PDE1A: variants seen among roughly 807,000 people sequenced by gnomAD.
The protein encoded by PDE1A is phosphodiesterase 1A, also known as dual specificity calcium/calmodulin-dependent 3',5'-cyclic nucleotide phosphodiesterase 1A.
PDE1A carries 35 observed loss-of-function variants against 61.7 expected under a neutral mutation model. That is an observed-to-expected ratio of 0.57 (90% confidence interval 0.43 to 0.75). The LOEUF is 0.75. PDE1A is among the 30% of genes least tolerant of loss of function. The pLI is 0.00. For synonymous variants in PDE1A, 232 were observed against 213.2 expected, an observed-to-expected ratio of 1.09 and a Z score of -0.77; for missense variants, 597 against 630.6, an observed-to-expected ratio of 0.95 and a Z score of 0.57.
At chr2:182,416,944 G>A (rs563656462) in intron 1 of PDE1A, among the ~76,000 whole-genome samples, 4 of 152,166 alleles carry the variant, frequency 2.6e-5, no homozygotes, top group African/African-American at 7.2e-5. Context: ...GGTGACCTAC[G>A]ACCAAACAGT....
At chr2:182,287,562 T>C (rs982055809) in intron 1 of PDE1A, among the ~76,000 whole-genome samples, 2 of 152,156 alleles carry the variant, frequency 1.3e-5, no homozygotes, top group African/African-American at 4.8e-5. Flanking sequence ...GACTCACTAA[T>C]AAAGTTTGCT....
At chr2:182,179,960 C>A (rs962209677) in intron 13 of PDE1A, among the ~76,000 whole-genome samples, 7 of 152,142 alleles carry the variant, frequency 4.6e-5, no homozygotes, top group Non-Finnish European at 1.0e-4. Flanking sequence ...TGATGATGAG[C>A]AAACATCTGG....
the PDE1A span, among the ~76,000 whole-genome samples, chr2:182,690,923 T>C: frequency 6.6e-6 from 1 of 152,136 alleles, no homozygotes; most frequent in Admixed American, 6.6e-5. Context: ...TGAACTCCCA[T>C]TCACAATTGC....
intron 10 of PDE1A, among the ~76,000 whole-genome samples, chr2:182,195,762 A>C (rs1574647765): frequency 6.6e-6 from 1 of 152,112 alleles, no homozygotes; most frequent in Non-Finnish European, 1.5e-5. Flanking sequence ...ACCTTGGCTA[A>C]ATGCAGAGCA....
At chr2:182,527,303 TAAAAAAAAAA>T (rs869281717), upstream of PDE1A, among the ~76,000 whole-genome samples, 207 of 22,818 alleles carry the variant, frequency 9.1e-3, 2 homozygotes, top group African/African-American at 0.019. Context: ...CCTTTCTCTA[TAAAAAAAAAA>T]AAAAAAAAAA....
the PDE1A span, among the ~76,000 whole-genome samples, chr2:182,653,385 T>C: frequency 6.6e-6 from 1 of 152,158 alleles, no homozygotes; most frequent in African/African-American, 2.4e-5. Context: ...ACTAAATCAC[T>C]CCATAATTTT....
chr2:182,633,733 C>A, the PDE1A span, among the ~76,000 whole-genome samples: 1 of 149,908 alleles, frequency 6.7e-6, no homozygotes, highest in Non-Finnish European at 1.5e-5. Context: ...ACATTACATT[C>A]TTCCAAAAAC....
At chr2:182,421,518 C>T (rs1300452551) in intron 1 of PDE1A, among the ~76,000 whole-genome samples, 1 of 152,142 alleles carries the variant, frequency 6.6e-6, no homozygotes, top group Non-Finnish European at 1.5e-5. Context: ...TCAACACTTG[C>T]TACTGCTGCT....
At chr2:182,516,139 C>G (rs540487934) in intron 2 of PDE1A, among the ~76,000 whole-genome samples, 1 of 152,112 alleles carries the variant, frequency 6.6e-6, no homozygotes, top group Non-Finnish European at 1.5e-5. Context: ...AGTTCTGTAG[C>G]TCAGAAATCT....
chr2:182,513,500 T>G (rs1689942582), intron 2 of PDE1A, among the ~76,000 whole-genome samples: 1 of 152,188 alleles, frequency 6.6e-6, no homozygotes, highest in Admixed American at 6.5e-5. Context: ...AAAGTACACT[T>G]AAGTACATAG....
At chr2:182,692,676 T>A in the PDE1A span, among the ~76,000 whole-genome samples, 16 of 147,824 alleles carry the variant, frequency 1.1e-4, no homozygotes, top group African/African-American at 3.4e-4. Flanking sequence ...AATAAAAATA[T>A]ATATATATAT....
intron 11 of PDE1A, among the ~76,000 whole-genome samples, chr2:182,186,795 GC>G (rs1685244865): frequency 6.6e-6 from 1 of 152,124 alleles, no homozygotes; most frequent in South Asian, 2.1e-4. Context: ...AATACTTGAA[GC>G]CATGGAAGTG....
chr2:182,654,473 T>C, the PDE1A span, among the ~76,000 whole-genome samples: 8 of 152,200 alleles, frequency 5.3e-5, 1 homozygote, highest in Admixed American at 5.2e-4. Context: ...CAGGACTCCA[T>C]TTAGCATCTG....
chr2:182,182,223 T>C (rs1684823496), intron 13 of PDE1A, among the ~76,000 whole-genome samples: 1 of 152,216 alleles, frequency 6.6e-6, no homozygotes, highest in Admixed American at 6.5e-5. Flanking sequence ...ATACAAATAA[T>C]GTGTAAGAAA....
chr2:182,447,262 A>AT (rs1363687012), intron 2 of PDE1A, among the ~76,000 whole-genome samples: 1 of 151,752 alleles, frequency 6.6e-6, no homozygotes, highest in Non-Finnish European at 1.5e-5. Context: ...CTAATATCTC[A>AT]TGTCATCTAT....
intron 1 of PDE1A, among the ~76,000 whole-genome samples, chr2:182,374,130 ATTTC>A (rs1700266932): frequency 6.6e-6 from 1 of 152,166 alleles, no homozygotes; most frequent in African/African-American, 2.4e-5. Context: ...ATTAGTCAAA[ATTTC>A]TTTATAACAT....
At chr2:182,583,049 GA>G in the PDE1A span, among the ~76,000 whole-genome samples, 1 of 152,082 alleles carries the variant, frequency 6.6e-6, no homozygotes, top group South Asian at 2.1e-4. Flanking sequence ...GATTAGAACA[GA>G]AAAACCCCAA....
intron 13 of PDE1A, among the ~76,000 whole-genome samples, chr2:182,148,943 C>T (rs1690634205): frequency 6.6e-6 from 1 of 151,948 alleles, no homozygotes; most frequent in African/African-American, 2.4e-5. Flanking sequence ...GTGACCTGAG[C>T]TTTTCATTTG....
chr2:182,163,709 C>T (rs148204567), downstream of PDE1A, among the ~76,000 whole-genome samples: 23 of 152,148 alleles, frequency 1.5e-4, no homozygotes, highest in African/African-American at 4.3e-4. Flanking sequence ...ATTATAAAGG[C>T]GACATATTTG....
Sources: allele counts gnomAD v4.1 joint callset (sites outside exome capture counted in the v4.1 genomes callset), GRCh38; gene constraint gnomAD v4.1.1; transcripts MANE v1.5; gene names NCBI Gene and HGNC (gene_info 2026-07-23, HGNC 2026-07-21).